EPC2: variants seen among roughly 807,000 people sequenced by gnomAD.
EPC2 encodes enhancer of polycomb homolog 2.
EPC2 carries 14 observed loss-of-function variants against 92.1 expected under a neutral mutation model. The ratio of observed to expected loss-of-function variants is 0.15; its 90% CI spans 0.10 to 0.24. The LOEUF is 0.24. Ranked by LOEUF, EPC2 falls within the 10% of genes least tolerant of loss-of-function variation. EPC2 has a pLI of 1.00. For synonymous variants in EPC2, 340 were observed against 334.7 expected, an observed-to-expected ratio of 1.02 and a Z score of -0.17; for missense variants, 755 against 971.5, an observed-to-expected ratio of 0.78 and a Z score of 2.96.
intron 2 of EPC2, among the ~76,000 whole-genome samples, chr2:148,713,433 T>C (rs1306068896): frequency 1.3e-5 from 2 of 152,182 alleles, no homozygotes; most frequent in East Asian, 3.8e-4. Context: ...TTAGCTGTGG[T>C]GTTACAAAAG....
chr2:148,745,825 CTATT>C (rs1437526286), intron 3 of EPC2, among the ~76,000 whole-genome samples: 1 of 152,050 alleles, frequency 6.6e-6, no homozygotes, highest in African/African-American at 2.4e-5. Flanking sequence ...AGTTAAACTA[CTATT>C]TATTAGGTTA....
At chr2:148,682,434 T>G (rs146739600) in intron 1 of EPC2, among the ~76,000 whole-genome samples, 60 of 152,338 alleles carry the variant, frequency 3.9e-4, no homozygotes, top group African/African-American at 1.4e-3. Flanking sequence ...TTATCTCCAC[T>G]AATTAATGAG....
intron 7 of EPC2, 70 bp from the exon 8 acceptor site, chr2:148,769,081 T>A (rs1271630882): frequency 2.0e-6 from 2 of 985,758 alleles, no homozygotes; most frequent in African/African-American, 1.6e-5. Flanking sequence ...CAGATTTACA[T>A]TTTAGAGTAT....
rs904061875 is a variant in EPC2, at chr2:148,787,457, G to T, written c.*1080G>T. The stretch of plus-strand genomic sequence containing the variant: ...TATACGGTTCTTGTAAATTAGATAC[G>T]TGTAGTGGTGTTTCAGAATGTTTGT... On this transcript the variant is annotated 3_prime_UTR_variant, in exon 14 of 14. Transcript: ENST00000258484. The T allele has an allele frequency of 6.6e-6, 1 of 152,566 alleles. No individual in the cohort carries two copies. The highest frequency in any genetic ancestry group is 1.5e-5 in the Non-Finnish European group (1 of 68,028). 9.5% of individuals were successfully genotyped at this position (152,566 alleles called of 1,614,324 possible).
intron 2 of EPC2, among the ~76,000 whole-genome samples, chr2:148,734,812 T>C (rs1003171095): frequency 7.2e-5 from 11 of 151,942 alleles, no homozygotes; most frequent in Non-Finnish European, 1.3e-4. Context: ...TCTTTTTTTT[T>C]TTTTTAACTC....
intron 1 of EPC2, among the ~76,000 whole-genome samples, chr2:148,683,827 T>TAA (rs1681460620): frequency 6.6e-6 from 1 of 152,242 alleles, no homozygotes; most frequent in South Asian, 2.1e-4. Context: ...TGTACTGCTG[T>TAA]AAATGCGTGC....
At chr2:148,673,158 T>C (rs1474292282) in intron 1 of EPC2, among the ~76,000 whole-genome samples, 1 of 152,218 alleles carries the variant, frequency 6.6e-6, no homozygotes, top group East Asian at 1.9e-4. Flanking sequence ...ATTATAATGT[T>C]TCTCAGTGTG....
In EPC2 at chr2:148,644,956, TC is replaced by T. The variant is rs992664543; in HGVS notation, c.-55del. 4.3e-5 allele frequency: 60 copies of T among 1,391,934 alleles called. No homozygotes were observed. The highest frequency in any genetic ancestry group is 2.5e-4 in the Middle Eastern group (1 of 4,036). 86.2% of individuals were successfully genotyped at this position (1,391,934 alleles called of 1,614,324 possible). ...GAGGTGGAGGAGGCGGCGGGAGTCC[TC>T]CCCCCCTCCCCGCCCGCCCCGCCGC... On this transcript the variant is annotated 5_prime_UTR_variant, in exon 1 of 14. Coordinates refer to ENST00000258484, the MANE Select transcript of EPC2 (RefSeq NM_015630.4).
intron 2 of EPC2, among the ~76,000 whole-genome samples, chr2:148,721,712 C>CT (rs34017461): frequency 0.18 from 19,739 of 111,382 alleles, 1,990 homozygotes; most frequent in East Asian, 0.35. Flanking sequence ...CTGTTTTATT[C>CT]TTTTTTTTTT....
At chr2:148,689,788 G>T (rs543621974) in intron 1 of EPC2, among the ~76,000 whole-genome samples, 15 of 152,192 alleles carry the variant, frequency 9.9e-5, no homozygotes, top group South Asian at 2.1e-4. Context: ...GAAATATTCA[G>T]AATTTTGTAC....
chr2:148,700,048 A>G (rs529829596), intron 2 of EPC2, among the ~76,000 whole-genome samples: 25 of 152,136 alleles, frequency 1.6e-4, no homozygotes, highest in Admixed American at 1.2e-3. Flanking sequence ...GTCTGTTCAG[A>G]TCTTTTGCCC....
Position 148,786,702 on chromosome 2 carries a change from C to T in EPC2, c.*325C>T, listed in dbSNP as rs1683874587. The T allele has an allele frequency of 5.6e-6, 1 of 179,232 alleles. No homozygotes were observed. Among genetic ancestry groups the T allele is most frequent in the Non-Finnish European group, 1.2e-5 (1 of 85,908 alleles). The allele number at this position is 179,232 out of a possible 1,614,324, so 11.1% of individuals were successfully genotyped here. On this transcript the variant is annotated 3_prime_UTR_variant, in exon 14 of 14. Transcript: ENST00000258484. ...TGGGATCATGAGCATGAAATGGGAT[C>T]CTGCATCACTTGTTTTAACTATTTA...
chr2:148,740,171 CTTATAT>C (rs1682854535), intron 2 of EPC2, among the ~76,000 whole-genome samples: 1 of 149,788 alleles, frequency 6.7e-6, no homozygotes, highest in African/African-American at 2.4e-5. Flanking sequence ...AGAATCTCTT[CTTATAT>C]TTATATATTT....
chr2:148,656,291 T>C (rs962345799), intron 1 of EPC2, among the ~76,000 whole-genome samples: 3 of 152,198 alleles, frequency 2.0e-5, no homozygotes, highest in Non-Finnish European at 4.4e-5. Flanking sequence ...CATTCCTAAG[T>C]GGCAGTTTGG....
chr2:148,675,307 T>A (rs1463033981), intron 1 of EPC2, among the ~76,000 whole-genome samples: 1 of 152,288 alleles, frequency 6.6e-6, no homozygotes, highest in African/African-American at 2.4e-5. Context: ...TTTCAGGTGA[T>A]TTTTAAAATT....
intron 2 of EPC2, among the ~76,000 whole-genome samples, chr2:148,697,443 A>G (rs1334362990): frequency 6.6e-6 from 1 of 152,174 alleles, no homozygotes; most frequent in Non-Finnish European, 1.5e-5. Context: ...ATGGAAGAGC[A>G]CTATGAATGG....
chr2:148,717,633 T>C (rs1682285847), intron 2 of EPC2, among the ~76,000 whole-genome samples: 1 of 152,208 alleles, frequency 6.6e-6, no homozygotes, highest in Non-Finnish European at 1.5e-5. Flanking sequence ...TCAGTTCTTT[T>C]GCATTTGCTG....
chr2:148,698,841 TA>T (rs1553445168), intron 2 of EPC2, among the ~76,000 whole-genome samples: 6 of 147,916 alleles, frequency 4.1e-5, no homozygotes, highest in East Asian at 2.0e-4. Flanking sequence ...TTTTTTTTTT[TA>T]AAAAAAAAGC....
intron 13 of EPC2, 133 bp downstream of exon 13, chr2:148,785,134 C>T (rs1683839942): frequency 2.9e-6 from 2 of 693,738 alleles, no homozygotes; most frequent in African/African-American, 1.8e-5. Context: ...TACTGAAGAT[C>T]TGTATAAAGC....
Sources: gnomAD v4.1 joint callset for allele counts (sites outside exome capture counted in the v4.1 genomes callset) on GRCh38, gnomAD v4.1.1 for gene constraint, MANE v1.5 for transcripts, NCBI Gene and HGNC (gene_info 2026-07-23, HGNC 2026-07-21) for gene names.